TRABD2B: variants seen among roughly 807,000 people sequenced by gnomAD.
TRABD2B encodes the protein TraB domain containing 2B.
A neutral mutation model predicts 40.1 loss-of-function variants in TRABD2B; 14 were observed. The observed-to-expected ratio is 0.35, with a 90% CI of 0.23 to 0.55. The LOEUF is 0.55. Among genes scored for constraint, TRABD2B ranks in the 20% least tolerant of loss-of-function variants. The pLI, the probability that TRABD2B is intolerant of heterozygous loss-of-function variation, is 0.90. For synonymous variants in TRABD2B, 263 were observed against 277.0 expected, an observed-to-expected ratio of 0.95 and a Z score of 0.50; for missense variants, 541 against 648.6, an observed-to-expected ratio of 0.83 and a Z score of 1.80.
At chr1:47,912,707 C>T (rs879862333) in intron 2 of TRABD2B, among the ~76,000 whole-genome samples, 2 of 152,100 alleles carry the variant, frequency 1.3e-5, no homozygotes, top group Non-Finnish European at 2.9e-5. Context: ...CACTGGGCTT[C>T]GTCTCGGTCA....
intron 2 of TRABD2B, among the ~76,000 whole-genome samples, chr1:47,874,046 C>T (rs973443725): frequency 6.6e-6 from 1 of 152,064 alleles, no homozygotes; most frequent in African/African-American, 2.4e-5. Context: ...AGAAGACTAC[C>T]TGTCTAGCAG....
chr1:47,808,208 G>A (rs923892646), intron 2 of TRABD2B, among the ~76,000 whole-genome samples: 5 of 152,198 alleles, frequency 3.3e-5, no homozygotes, highest in African/African-American at 1.2e-4. Flanking sequence ...GACTTGAACT[G>A]CAGCATCAAC....
At chr1:47,782,183 T>G (rs1013501689) in intron 4 of TRABD2B, among the ~76,000 whole-genome samples, 6 of 152,214 alleles carry the variant, frequency 3.9e-5, no homozygotes, top group African/African-American at 1.4e-4. Context: ...AACTCTTCCT[T>G]CTCTGCAACA....
intron 2 of TRABD2B, among the ~76,000 whole-genome samples, chr1:47,866,450 G>T (rs757885504): frequency 4.6e-5 from 7 of 152,112 alleles, no homozygotes; most frequent in Non-Finnish European, 8.8e-5. Context: ...TTTTCAGAGG[G>T]TCACTGTGAG....
intron 2 of TRABD2B, among the ~76,000 whole-genome samples, chr1:47,969,255 T>C (rs1212511184): frequency 6.6e-6 from 1 of 152,192 alleles, no homozygotes; most frequent in Non-Finnish European, 1.5e-5. Flanking sequence ...TGACCTTGGG[T>C]AGGAAATAAG....
In TRABD2B at chr1:47,794,229, G is replaced by A. The variant is rs560078526; in HGVS notation, c.988+357C>T. On this transcript the variant is annotated intron_variant, in intron 4 of 6. Coordinates refer to ENST00000606738, the MANE Select transcript of TRABD2B (RefSeq NM_001194986.2). ...CCAGCCTCTCCCTCTGGGGCCACAT[G>A]TGCTTCACAGCCTTGCTCCTGGCTC... 1.8e-3 allele frequency among the ~76,000 whole-genome samples: 281 copies of A among 152,332 alleles called. 3 individuals are homozygous for A. Among genetic ancestry groups the A allele is most frequent in the East Asian group, 1.9e-3 (10 of 5,180 alleles).
At chr1:47,992,791 C>T (rs774475115) in intron 2 of TRABD2B, among the ~76,000 whole-genome samples, 2 of 152,184 alleles carry the variant, frequency 1.3e-5, no homozygotes, top group African/African-American at 2.4e-5. Flanking sequence ...CCCTGCAGGG[C>T]GTGACTAACT....
chr1:47,873,867 G>A (rs1644180134), intron 2 of TRABD2B, among the ~76,000 whole-genome samples: 1 of 152,186 alleles, frequency 6.6e-6, no homozygotes, highest in Non-Finnish European at 1.5e-5. Context: ...ACTATATAAA[G>A]TAGGTGTTTG....
chr1:47,957,478 C>T (rs1334557638), intron 2 of TRABD2B, among the ~76,000 whole-genome samples: 1 of 152,094 alleles, frequency 6.6e-6, no homozygotes, highest in African/African-American at 2.4e-5. Context: ...AAAGATTAAA[C>T]GAATGGCTAA....
chr1:47,890,900 C>T (rs1161332211), intron 2 of TRABD2B, among the ~76,000 whole-genome samples: 1 of 152,232 alleles, frequency 6.6e-6, no homozygotes, highest in Non-Finnish European at 1.5e-5. Flanking sequence ...TGGGGCTGTC[C>T]TTGGCACTAG....
intron 2 of TRABD2B, among the ~76,000 whole-genome samples, chr1:47,951,972 C>G (rs1389685425): frequency 2.0e-5 from 3 of 152,232 alleles, no homozygotes; most frequent in African/African-American, 7.2e-5. Flanking sequence ...ATTGCCTGAT[C>G]CCATAGGAGC....
intron 2 of TRABD2B, among the ~76,000 whole-genome samples, chr1:47,884,864 C>A (rs978776915): frequency 2.0e-5 from 3 of 152,124 alleles, no homozygotes; most frequent in African/African-American, 7.2e-5. Flanking sequence ...GATCCACCCA[C>A]CTCAGCCTCT....
At chr1:47,930,619 T>C (rs1162479497) in intron 2 of TRABD2B, among the ~76,000 whole-genome samples, 2 of 152,344 alleles carry the variant, frequency 1.3e-5, no homozygotes, top group East Asian at 3.9e-4. Context: ...TGGCTTATAG[T>C]TGGCAACAAA....
rs557964330 is a variant in TRABD2B, at chr1:47,984,982, A to G, written c.666+9052T>C. Among the ~76,000 whole-genome samples, 42 of 152,364 alleles carry G rather than the reference A, an allele frequency of 2.8e-4. No individual in the cohort carries two copies. The South Asian group carries it at 7.7e-3, about 28-fold the overall frequency. On this transcript the variant is annotated intron_variant, in intron 2 of 6. Transcript: ENST00000606738. ...ACAAACATTTCTTGAAAAGTTGTAT[A>G]ACGATAATTTGAAAATGAAGTAATA...
intron 2 of TRABD2B, among the ~76,000 whole-genome samples, chr1:47,935,406 C>T (rs1207768201): frequency 2.0e-5 from 3 of 152,186 alleles, no homozygotes; most frequent in Non-Finnish European, 2.9e-5. Context: ...CACTGTATTG[C>T]AACAGGCTGT....
intron 2 of TRABD2B, among the ~76,000 whole-genome samples, chr1:47,829,110 T>C (rs1451942639): frequency 6.6e-6 from 1 of 152,230 alleles, no homozygotes; most frequent in Admixed American, 6.5e-5. Flanking sequence ...AGAGAGGTCC[T>C]GTGCCTGACT....
chr1:47,882,314 C>T (rs1382954464), intron 2 of TRABD2B, among the ~76,000 whole-genome samples: 1 of 152,200 alleles, frequency 6.6e-6, no homozygotes, highest in Non-Finnish European at 1.5e-5. Flanking sequence ...GTGATCTCGT[C>T]CGTTCTGCCA....
intron 2 of TRABD2B, among the ~76,000 whole-genome samples, chr1:47,912,554 G>A (rs1644776880): frequency 6.6e-6 from 1 of 152,210 alleles, no homozygotes; most frequent in South Asian, 2.1e-4. Flanking sequence ...ATGTGCTGGA[G>A]GTGGCATGGA....
At chr1:47,777,638 G>C (rs1346391824) in intron 5 of TRABD2B, among the ~76,000 whole-genome samples, 10 of 152,202 alleles carry the variant, frequency 6.6e-5, no homozygotes. Context: ...AAAGGTCTTA[G>C]AGCCTGGTAC....
Sources: gnomAD v4.1 joint callset for allele counts (sites outside exome capture counted in the v4.1 genomes callset) on GRCh38, gnomAD v4.1.1 for gene constraint, MANE v1.5 for transcripts, NCBI Gene and HGNC (gene_info 2026-07-23, HGNC 2026-07-21) for gene names.